Variants in ERBB4 observed in about 807,000 individuals in gnomAD.
ERBB4 encodes the protein receptor tyrosine-protein kinase erbB-4.
A neutral mutation model predicts 158.0 loss-of-function variants in ERBB4; 42 were observed. The ratio of observed to expected loss-of-function variants is 0.27; its 90% CI spans 0.21 to 0.34. The LOEUF is 0.34. Among genes scored for constraint, ERBB4 ranks in the 10% least tolerant of loss-of-function variants. The pLI, the probability that ERBB4 is intolerant of heterozygous loss-of-function variation, is 1.00. For synonymous variants in ERBB4, 583 were observed against 558.7 expected, an observed-to-expected ratio of 1.04 and a Z score of -0.61; for missense variants, 1,333 against 1,624.1, an observed-to-expected ratio of 0.82 and a Z score of 3.08.
Position 211,722,487 on chromosome 2 carries a change from G to A in ERBB4, c.789C>T (p.Pro263=), listed in dbSNP as rs775424281. 2 of 1,613,810 alleles carry A rather than the reference G, an allele frequency of 1.2e-6. No individual in the cohort carries two copies. Among genetic ancestry groups the A allele is most frequent in the Admixed American group, 3.3e-5 (2 of 60,016 alleles). Residue 263 remains proline (P), a synonymous_variant, in exon 7 of 28, where the codon CCC becomes CCT. Transcript: ENST00000342788. Reference sequence around the variant, plus strand: ...TGGTTGGATTGTAGACAAAGGTTTGGGGACACTGAGTAACACATGCTCCAC... The same window carrying A: ...TGGTTGGATTGTAGACAAAGGTTTGAGGACACTGAGTAACACATGCTCCAC... ...NDSGACVTQC[P]QTFVYNPTTF...
intron 1 of ERBB4, among the ~76,000 whole-genome samples, chr2:212,235,275 C>G (rs1206360312): frequency 2.0e-5 from 3 of 152,120 alleles, no homozygotes; most frequent in African/African-American, 7.2e-5. Context: ...TGTCAAAGAT[C>G]AGATGATTGT....
At chr2:211,746,841 A>AC (rs1332912660) in intron 5 of ERBB4, among the ~76,000 whole-genome samples, 344 of 149,020 alleles carry the variant, frequency 2.3e-3, no homozygotes, top group African/African-American at 8.1e-3. Flanking sequence ...AAAAAAAAAA[A>AC]AAAAAACCCT....
At chr2:212,379,121 A>G (rs1362206492) in intron 1 of ERBB4, among the ~76,000 whole-genome samples, 2 of 151,806 alleles carry the variant, frequency 1.3e-5, no homozygotes, top group African/African-American at 4.8e-5. Flanking sequence ...ACCTTCAAAC[A>G]TTAGCTGAAA....
chr2:212,293,842 T>C (rs1195609591), intron 1 of ERBB4, among the ~76,000 whole-genome samples: 4 of 92,568 alleles, frequency 4.3e-5, no homozygotes, highest in African/African-American at 1.8e-4. Flanking sequence ...AGGAAGACTC[T>C]GTCTCAAAAA....
At chr2:211,886,083 G>C (rs2078792901) in intron 3 of ERBB4, among the ~76,000 whole-genome samples, 1 of 152,134 alleles carries the variant, frequency 6.6e-6, no homozygotes, top group Non-Finnish European at 1.5e-5. Flanking sequence ...AGAGCAATAA[G>C]TTCTTTTTAG....
chr2:212,211,406 A>G (rs886753008), intron 1 of ERBB4, among the ~76,000 whole-genome samples: 1 of 152,154 alleles, frequency 6.6e-6, no homozygotes, highest in Non-Finnish European at 1.5e-5. Context: ...CAAGGTTGCA[A>G]TTAATATCAG....
At chr2:212,268,229 A>G (rs1484804007) in intron 1 of ERBB4, among the ~76,000 whole-genome samples, 1 of 151,916 alleles carries the variant, frequency 6.6e-6, no homozygotes, top group Non-Finnish European at 1.5e-5. Context: ...GAAATTTTCA[A>G]GAATAGAAAT....
intron 1 of ERBB4, among the ~76,000 whole-genome samples, chr2:212,344,836 A>G (rs1432721291): frequency 6.6e-6 from 1 of 152,176 alleles, no homozygotes; most frequent in African/African-American, 2.4e-5. Context: ...AATTTTGGCA[A>G]TTACCAGTTG....
intron 1 of ERBB4, among the ~76,000 whole-genome samples, chr2:212,422,553 C>T (rs184847204): frequency 2.0e-5 from 3 of 152,026 alleles, no homozygotes; most frequent in African/African-American, 7.2e-5. Context: ...TCTGGTGCTT[C>T]GCAAAGTCAT....
At chr2:211,986,235 C>A (rs550044474) in intron 2 of ERBB4, among the ~76,000 whole-genome samples, 198 of 152,228 alleles carry the variant, frequency 1.3e-3, no homozygotes, top group Middle Eastern at 6.8e-3. Flanking sequence ...TGTTGGACTT[C>A]CAGTCTTCAG....
chr2:212,006,014 GA>G (rs2076251550), intron 2 of ERBB4, among the ~76,000 whole-genome samples: 1 of 151,762 alleles, frequency 6.6e-6, no homozygotes, highest in Non-Finnish European at 1.5e-5. Context: ...CTGAAAAGGA[GA>G]AAAAAAAGAA....
intron 20 of ERBB4, among the ~76,000 whole-genome samples, chr2:211,468,029 T>C (rs1220112554): frequency 6.6e-6 from 1 of 152,106 alleles, no homozygotes. Context: ...TGGAGATAAA[T>C]AATGTGGCTG....
At chr2:211,488,207 C>T (rs1277593777) in intron 20 of ERBB4, among the ~76,000 whole-genome samples, 3 of 152,084 alleles carry the variant, frequency 2.0e-5, no homozygotes, top group East Asian at 1.9e-4. Flanking sequence ...CAATACTCAA[C>T]GGAATGGCTG....
chr2:211,583,383 T>A (rs1017690481), intron 19 of ERBB4, among the ~76,000 whole-genome samples: 1 of 151,946 alleles, frequency 6.6e-6, no homozygotes, highest in African/African-American at 2.4e-5. Context: ...TTGAGAGGAA[T>A]AAATTTTAAT....
chr2:212,400,217 C>G (rs2091162146), intron 1 of ERBB4, among the ~76,000 whole-genome samples: 2 of 152,168 alleles, frequency 1.3e-5, no homozygotes, highest in African/African-American at 4.8e-5. Context: ...GACATGATTA[C>G]TTTTGCATTT....
At chr2:211,509,748 G>A (rs1225853197) in intron 20 of ERBB4, among the ~76,000 whole-genome samples, 1 of 151,880 alleles carries the variant, frequency 6.6e-6, no homozygotes, top group African/African-American at 2.4e-5. Flanking sequence ...AACTCAACAA[G>A]AAAAATAACC....
intron 2 of ERBB4, among the ~76,000 whole-genome samples, chr2:212,003,185 GAA>G (rs1166235521): frequency 1.5e-5 from 1 of 66,354 alleles, no homozygotes; most frequent in Admixed American, 1.7e-4. Flanking sequence ...AAGAAAGAAA[GAA>G]AGAAAGAAAG....
chr2:212,042,842 G>C (rs530458397), intron 2 of ERBB4, among the ~76,000 whole-genome samples: 103 of 152,216 alleles, frequency 6.8e-4, no homozygotes, highest in African/African-American at 2.5e-3. Context: ...TTCAGTTGTT[G>C]TTTAGTCTAT....
At chr2:212,333,412 C>CT (rs941401561) in intron 1 of ERBB4, among the ~76,000 whole-genome samples, 9 of 151,274 alleles carry the variant, frequency 5.9e-5, no homozygotes, top group African/African-American at 2.2e-4. Flanking sequence ...GACATGGTGG[C>CT]TAATGTATAT....
Sources: allele counts gnomAD v4.1 joint callset (sites outside exome capture counted in the v4.1 genomes callset), GRCh38; gene constraint gnomAD v4.1.1; transcripts MANE v1.5; gene names NCBI Gene and HGNC (gene_info 2026-07-23, HGNC 2026-07-21).